The following SAMSN1 variants were observed in gnomAD, a reference collection of about 807,000 sequenced individuals.
SAMSN1 encodes SAM domain-containing protein SAMSN-1.
A neutral mutation model predicts 42.0 loss-of-function variants in SAMSN1; 31 were observed. The ratio of observed to expected loss-of-function variants is 0.74; its 90% CI spans 0.55 to 1.00. The LOEUF (loss-of-function observed/expected upper bound fraction) is 1.00. SAMSN1 is among the 50% of genes least tolerant of loss of function. SAMSN1 has a pLI of 0.00. For missense variants in SAMSN1, 464 were observed against 439.4 expected, an observed-to-expected ratio of 1.06 and a Z score of -0.50; for synonymous variants, 178 against 151.9, an observed-to-expected ratio of 1.17 and a Z score of -1.26.
In SAMSN1 at chr21:14,617,578, C is replaced by CA. The variant is rs139420378; in HGVS notation, c.157-1563dup. Among the ~76,000 whole-genome samples the CA allele has an allele frequency of 4.0e-3, 603 of 152,260 alleles. 4 individuals carry two copies. Among genetic ancestry groups the CA allele is most frequent in the African/African-American group, 0.013 (527 of 41,562 alleles). ...TCGGGACCAAATATGTCTCAATAGTCAAAATCCATCATCCTGAGTCTCATT... is the reference window on the plus strand; with the variant it reads ...TCGGGACCAAATATGTCTCAATAGTCAAAAATCCATCATCCTGAGTCTCATT... On this transcript the variant is annotated intron_variant, in intron 2 of 15. Coordinates refer to the SAMSN1 transcript ENST00000647101.
chr21:14,555,843 C>G (rs1226133011), intron 2 of SAMSN1, among the ~76,000 whole-genome samples: 1 of 152,182 alleles, frequency 6.6e-6, no homozygotes, highest in Non-Finnish European at 1.5e-5. Context: ...ACAATACTGA[C>G]AGAACAAATT....
chr21:14,489,350 A>G (rs1025135142), intron 7 of SAMSN1, among the ~76,000 whole-genome samples: 3 of 152,024 alleles, frequency 2.0e-5, no homozygotes, highest in Non-Finnish European at 2.9e-5. Flanking sequence ...TTAAAAAAGT[A>G]TACATAATTC....
At chr21:14,654,057 T>A (rs572299245) in intron 1 of SAMSN1, among the ~76,000 whole-genome samples, 1 of 152,042 alleles carries the variant, frequency 6.6e-6, no homozygotes, top group Non-Finnish European at 1.5e-5. Context: ...AATCATTGTG[T>A]AATGTATTAT....
At chr21:14,605,489 G>A (rs964245446) in intron 5 of SAMSN1, among the ~76,000 whole-genome samples, 2 of 152,156 alleles carry the variant, frequency 1.3e-5, no homozygotes, top group African/African-American at 2.4e-5. Flanking sequence ...TTAAATGTGT[G>A]TTTCCTGAAA....
chr21:14,595,946 T>A (rs1224920710), intron 6 of SAMSN1, among the ~76,000 whole-genome samples: 1 of 152,196 alleles, frequency 6.6e-6, no homozygotes, highest in Non-Finnish European at 1.5e-5. Context: ...ATGAGAATGA[T>A]GCTAAGGAAT....
chr21:14,542,009 G>C (rs1475699921), intron 1 of SAMSN1, among the ~76,000 whole-genome samples: 1 of 151,284 alleles, frequency 6.6e-6, no homozygotes, highest in Non-Finnish European at 1.5e-5. Context: ...AGGAAGGAAG[G>C]AAGGAGAAAG....
chr21:14,585,173 G>T (rs556365988), upstream of SAMSN1, among the ~76,000 whole-genome samples: 51 of 152,208 alleles, frequency 3.4e-4, no homozygotes, highest in Middle Eastern at 3.4e-3. Flanking sequence ...TTCTATTGCT[G>T]TTTATTTTTT....
intron 7 of SAMSN1, among the ~76,000 whole-genome samples, chr21:14,487,346 T>TA (rs368128047): frequency 0.14 from 19,174 of 141,770 alleles, 1,515 homozygotes; most frequent in East Asian, 0.34. Flanking sequence ...TTATTTATTT[T>TA]TTATATATAT....
chr21:14,573,915 C>T (rs1044900534), intron 2 of SAMSN1, among the ~76,000 whole-genome samples: 2 of 152,206 alleles, frequency 1.3e-5, no homozygotes, highest in African/African-American at 4.8e-5. Context: ...CCATGCTACA[C>T]ATGCAAAATA....
chr21:14,556,060 C>T (rs1226672814), intron 2 of SAMSN1, among the ~76,000 whole-genome samples: 3 of 152,172 alleles, frequency 2.0e-5, no homozygotes, highest in Admixed American at 6.6e-5. Flanking sequence ...AGTAGAATTT[C>T]ATGGAAGAGA....
intron 2 of SAMSN1, among the ~76,000 whole-genome samples, chr21:14,641,193 G>A (rs140302426): frequency 1.3e-5 from 2 of 152,056 alleles, no homozygotes; most frequent in African/African-American, 4.8e-5. Context: ...TGCATATCTA[G>A]CAACACCAAC....
intron 6 of SAMSN1, 107 bp from the exon 7 acceptor site, chr21:14,498,699 C>T (rs765672054): frequency 1.3e-6 from 1 of 794,752 alleles, no homozygotes; most frequent in Non-Finnish European, 1.9e-6. Flanking sequence ...ACCAAAGGTG[C>T]CAATAGAACT....
At chr21:14,639,764 C>T (rs994904804) in intron 2 of SAMSN1, among the ~76,000 whole-genome samples, 1 of 151,726 alleles carries the variant, frequency 6.6e-6, no homozygotes, top group African/African-American at 2.4e-5. Context: ...TTTTTTTCAG[C>T]GCATTTACTT....
chr21:14,586,403 A>G (rs553720763), upstream of SAMSN1, among the ~76,000 whole-genome samples: 1 of 152,214 alleles, frequency 6.6e-6, no homozygotes, highest in African/African-American at 2.4e-5. Context: ...ATAGTAACAT[A>G]CCTTTTAAAT....
chr21:14,538,442 G>C (rs931497184), intron 1 of SAMSN1, among the ~76,000 whole-genome samples: 1 of 152,112 alleles, frequency 6.6e-6, no homozygotes, highest in Non-Finnish European at 1.5e-5. Context: ...GTAAATTGGA[G>C]ATAAAAATAA....
At chr21:14,608,665 A>G (rs1260567387) in intron 5 of SAMSN1, among the ~76,000 whole-genome samples, 1 of 152,098 alleles carries the variant, frequency 6.6e-6, no homozygotes, top group East Asian at 1.9e-4. Flanking sequence ...GCCTCGGGAG[A>G]GACTCCTTCC....
chr21:14,551,372 C>A (rs562113104), intron 2 of SAMSN1, among the ~76,000 whole-genome samples: 2 of 152,056 alleles, frequency 1.3e-5, no homozygotes, highest in African/African-American at 2.4e-5. Flanking sequence ...CTTGAAGAGA[C>A]AAAGAACTTC....
intron 1 of SAMSN1, among the ~76,000 whole-genome samples, chr21:14,544,202 C>T (rs1236269957): frequency 2.0e-5 from 3 of 152,114 alleles, no homozygotes; most frequent in East Asian, 1.9e-4. Flanking sequence ...ATGCACGTGC[C>T]ACCATGCCCA....
At position 14,555,509 on chromosome 21, in the gene SAMSN1, T is replaced by C. The variant is rs575137137; in HGVS notation, c.261+26627A>G. On this transcript the variant is annotated intron_variant, in intron 2 of 8. Transcript: ENST00000285670. Reference sequence around the variant, plus strand: ...TATTGATTCCTGTCAATACCACCCCTACCTTAAAGTTTTCAGATTGGCATA... The same window carrying C: ...TATTGATTCCTGTCAATACCACCCCCACCTTAAAGTTTTCAGATTGGCATA... 3.9e-5 allele frequency among the ~76,000 whole-genome samples: 6 copies of C among 152,290 alleles called. No homozygotes were observed. In the South Asian group the frequency reaches 8.3e-4, roughly 21 times the overall value.
Sources: allele counts gnomAD v4.1 joint callset (sites outside exome capture counted in the v4.1 genomes callset), GRCh38; gene constraint gnomAD v4.1.1; transcripts MANE v1.5; gene names NCBI Gene and HGNC (gene_info 2026-07-23, HGNC 2026-07-21).